PPARGC1A: variants seen among roughly 807,000 people sequenced by gnomAD.
The protein encoded by PPARGC1A is peroxisome proliferator-activated receptor gamma coactivator 1-alpha.
A neutral mutation model predicts 88.7 loss-of-function variants in PPARGC1A; 25 were observed. The ratio of observed to expected loss-of-function variants is 0.28; its 90% CI spans 0.21 to 0.39. The LOEUF (loss-of-function observed/expected upper bound fraction) is 0.39, where lower values mean the gene tolerates loss of function less well. Ranked by LOEUF, PPARGC1A falls within the 10% of genes least tolerant of loss-of-function variation. The pLI is 1.00. For synonymous variants in PPARGC1A, 363 were observed against 355.6 expected (o/e 1.02, Z -0.24); for missense variants, 880 against 968.7 (o/e 0.91, Z 1.22).
the PPARGC1A span, among the ~76,000 whole-genome samples, chr4:24,446,879 C>T: frequency 1.2e-3 from 186 of 152,290 alleles, no homozygotes; most frequent in Admixed American, 2.4e-3. Context: ...AGATTACAGG[C>T]GTGAGCCACC....
chr4:24,387,755 AGAG>A, the PPARGC1A span, among the ~76,000 whole-genome samples: 2 of 77,934 alleles, frequency 2.6e-5, no homozygotes, highest in African/African-American at 1.1e-4. Flanking sequence ...AAAGAGAGAG[AGAG>A]AGAGAGAGAG....
the PPARGC1A span, among the ~76,000 whole-genome samples, chr4:24,005,546 G>A: frequency 2.0e-5 from 3 of 152,088 alleles, no homozygotes; most frequent in African/African-American, 4.8e-5. Context: ...ATACTTCTCT[G>A]GCTCCAAGAT....
the PPARGC1A span, among the ~76,000 whole-genome samples, chr4:24,022,580 G>A: frequency 6.6e-6 from 1 of 152,176 alleles, no homozygotes; most frequent in African/African-American, 2.4e-5. Context: ...TGGTGGTAAT[G>A]GTGAGCAATG....
At chr4:23,888,081 A>G (rs2148846917) in intron 1 of PPARGC1A, among the ~76,000 whole-genome samples, 1 of 152,340 alleles carries the variant, frequency 6.6e-6, no homozygotes. Context: ...TTAATGATTC[A>G]AAAAATGAAA....
chr4:24,053,171 C>T, the PPARGC1A span, among the ~76,000 whole-genome samples: 17 of 151,768 alleles, frequency 1.1e-4, no homozygotes, highest in Non-Finnish European at 2.4e-4. Flanking sequence ...GCGCCTGGCC[C>T]AGATTTTTTT....
At chr4:24,029,649 C>T in the PPARGC1A span, among the ~76,000 whole-genome samples, 1 of 152,094 alleles carries the variant, frequency 6.6e-6, no homozygotes, top group African/African-American at 2.4e-5. Context: ...CTCCATCCTC[C>T]TTTGCAAAAC....
At chr4:24,180,604 G>A in the PPARGC1A span, among the ~76,000 whole-genome samples, 294 of 152,172 alleles carry the variant, frequency 1.9e-3, 2 homozygotes, top group African/African-American at 6.8e-3. Context: ...AATGTGCAAG[G>A]GTTCTAACCC....
chr4:24,172,534 GGA>G, the PPARGC1A span, among the ~76,000 whole-genome samples: 1 of 152,160 alleles, frequency 6.6e-6, no homozygotes, highest in Non-Finnish European at 1.5e-5. Context: ...AGATTCCCAG[GGA>G]GGAGAGTAGA....
chr4:24,051,998 C>G, the PPARGC1A span, among the ~76,000 whole-genome samples: 2 of 149,630 alleles, frequency 1.3e-5, no homozygotes, highest in Non-Finnish European at 3.0e-5. Flanking sequence ...ATAACTACTC[C>G]AGGGTTGGGA....
the PPARGC1A span, among the ~76,000 whole-genome samples, chr4:24,353,064 TC>T: frequency 1.3e-5 from 2 of 152,140 alleles, no homozygotes; most frequent in Non-Finnish European, 2.9e-5. Context: ...GGGTGGAGGA[TC>T]CTGGGATTTC....
the PPARGC1A span, among the ~76,000 whole-genome samples, chr4:23,979,670 G>A: frequency 2.0e-5 from 3 of 151,696 alleles, no homozygotes; most frequent in South Asian, 2.1e-4. Context: ...ACAACCCTGC[G>A]GGGGGGACAA....
At chr4:23,974,964 G>GT in the PPARGC1A span, among the ~76,000 whole-genome samples, 1 of 151,480 alleles carries the variant, frequency 6.6e-6, no homozygotes, top group Admixed American at 6.6e-5. Flanking sequence ...TCCAGTGTCT[G>GT]TTTTATTTAG....
the PPARGC1A span, among the ~76,000 whole-genome samples, chr4:24,220,098 G>A: frequency 6.6e-6 from 1 of 151,998 alleles, no homozygotes; most frequent in African/African-American, 2.4e-5. Context: ...GAAGACATAC[G>A]AGCAGCCAAC....
At chr4:24,306,495 T>C in the PPARGC1A span, among the ~76,000 whole-genome samples, 1 of 152,216 alleles carries the variant, frequency 6.6e-6, no homozygotes, top group Non-Finnish European at 1.5e-5. Flanking sequence ...TCCAAGACCT[T>C]GGACAGCATA....
the PPARGC1A span, among the ~76,000 whole-genome samples, chr4:24,374,934 G>A: frequency 6.6e-6 from 1 of 150,804 alleles, no homozygotes; most frequent in Admixed American, 6.6e-5. Flanking sequence ...ATGAAAACCT[G>A]CACCTGCATG....
the PPARGC1A span, among the ~76,000 whole-genome samples, chr4:24,001,220 C>T: frequency 6.6e-6 from 1 of 152,100 alleles, no homozygotes; most frequent in Non-Finnish European, 1.5e-5. Context: ...CAAAAACACA[C>T]CTTCATGTTT....
chr4:23,905,515 C>A (rs374000188), upstream of PPARGC1A, among the ~76,000 whole-genome samples: 46 of 152,284 alleles, frequency 3.0e-4, no homozygotes, highest in African/African-American at 1.1e-3. Context: ...TTCACCTTTA[C>A]AAATGCAGCC....
At chr4:24,184,571 T>C in the PPARGC1A span, among the ~76,000 whole-genome samples, 1 of 152,292 alleles carries the variant, frequency 6.6e-6, no homozygotes, top group African/African-American at 2.4e-5. Flanking sequence ...GCAGCAGGTA[T>C]TCAATAAATA....
the PPARGC1A span, among the ~76,000 whole-genome samples, chr4:24,399,466 C>A: frequency 6.6e-6 from 1 of 152,158 alleles, no homozygotes; most frequent in Admixed American, 6.5e-5. Flanking sequence ...TTTTCCATAA[C>A]TAAAAATTAT....
Sources: gnomAD v4.1 joint callset for allele counts (sites outside exome capture counted in the v4.1 genomes callset) on GRCh38, gnomAD v4.1.1 for gene constraint, MANE v1.5 for transcripts, NCBI Gene and HGNC (gene_info 2026-07-23, HGNC 2026-07-21) for gene names.